Variants in CFAP53 observed in about 807,000 individuals in gnomAD.
CFAP53 encodes the protein cilia and flagella associated protein 53, also known as cilia- and flagella-associated protein 53.
CFAP53 carries 62 observed loss-of-function variants against 59.7 expected under a neutral mutation model. The ratio of observed to expected loss-of-function variants is 1.04; its 90% CI spans 0.85 to 1.28. The LOEUF is 1.28. Among genes scored for constraint, CFAP53 ranks in the 50% most tolerant of loss-of-function variants. The probability of loss-of-function intolerance (pLI) is 0.00; values close to 1 mark genes in which losing one functional copy is unlikely to be tolerated. For synonymous variants in CFAP53, 218 were observed against 205.7 expected (o/e 1.06, Z -0.51); for missense variants, 629 against 615.6 (o/e 1.02, Z -0.23).
intron 5 of CFAP53, among the ~76,000 whole-genome samples, chr18:50,248,213 C>T (rs2033764034): frequency 6.6e-6 from 1 of 151,164 alleles, no homozygotes; most frequent in African/African-American, 2.4e-5. Flanking sequence ...AAAACAGGCT[C>T]ATAAAAAGTT....
chr18:50,233,092 GCTCT>G (rs1447079048), intron 7 of CFAP53, among the ~76,000 whole-genome samples: 2 of 152,082 alleles, frequency 1.3e-5, no homozygotes, highest in Non-Finnish European at 2.9e-5. Flanking sequence ...GTCTTCTATA[GCTCT>G]CTATCTTCCT....
At chr18:50,247,324 T>C (rs747028518) in intron 5 of CFAP53, among the ~76,000 whole-genome samples, 13 of 152,206 alleles carry the variant, frequency 8.5e-5, no homozygotes, top group Non-Finnish European at 1.8e-4. Context: ...GGTGAGCATG[T>C]GGATAAATCA....
At chr18:50,237,529 T>C (rs2144406918) in intron 7 of CFAP53, among the ~76,000 whole-genome samples, 1 of 150,916 alleles carries the variant, frequency 6.6e-6, no homozygotes, top group East Asian at 2.0e-4. Flanking sequence ...TTAACCATAC[T>C]CTTTCTAGAA....
intron 6 of CFAP53, among the ~76,000 whole-genome samples, chr18:50,241,399 C>G (rs775805169): frequency 2.6e-4 from 40 of 152,070 alleles, no homozygotes; most frequent in Non-Finnish European, 1.2e-4. Context: ...GAGGGCCGCT[C>G]AAGGCATGAG....
At chr18:50,231,865 C>T (rs576261814) in intron 7 of CFAP53, among the ~76,000 whole-genome samples, 95 of 152,290 alleles carry the variant, frequency 6.2e-4, no homozygotes, top group African/African-American at 2.2e-3. Context: ...CCATTCTGTC[C>T]CAGATGTTGC....
chr18:50,265,785 T>C (rs888961090), intron 1 of CFAP53, among the ~76,000 whole-genome samples: 1 of 152,238 alleles, frequency 6.6e-6, no homozygotes, highest in East Asian at 1.9e-4. Context: ...GGCAGGCACC[T>C]GAGTTTTTCC....
At chr18:50,259,430 G>T (rs1260622645) in intron 3 of CFAP53, among the ~76,000 whole-genome samples, 3 of 150,628 alleles carry the variant, frequency 2.0e-5, no homozygotes, top group African/African-American at 7.4e-5. Flanking sequence ...AGATAGAGAA[G>T]GATGGTTACC....
rs761214003 is a variant in CFAP53, at chr18:50,243,098, GT to G, written c.1014del (p.Glu338AspfsTer27). 10 of 1,611,478 alleles carry G rather than the reference GT, an allele frequency of 6.2e-6. No homozygotes were observed. The highest frequency in any genetic ancestry group is 8.5e-6 in the Non-Finnish European group (10 of 1,178,606). On this transcript the variant is annotated frameshift_variant, in exon 6 of 8. Coordinates refer to ENST00000398545, the MANE Select transcript of CFAP53 (RefSeq NM_145020.5). LOFTEE classifies it high-confidence loss of function. ...GCCAAATATTTATGGTATATCTTCT[GT>G]TCTCTTATCATATCTTCCTATGTAA... ...KKQKREDMIR[E>X]QKIYHKYLAQ...
At position 50,251,578 on chromosome 18, in the gene CFAP53, A is replaced by G; in HGVS notation, c.680T>C (p.Met227Thr). 1 of 1,614,184 alleles carries G rather than the reference A, an allele frequency of 6.2e-7. No homozygotes were observed. The highest frequency in any genetic ancestry group is 8.5e-7 in the Non-Finnish European group (1 of 1,180,038). ...ATTCAGCCCCAGGCGTGTGTTCTCC[A>G]TCAGCTCTTTCTGTCTCCTCGCCTC... Reference protein sequence around the residue: ...AQEARRQKELMENTRLGLNAQ... With the variant: ...AQEARRQKELTENTRLGLNAQ... The change falls in exon 4 of 8, where the codon ATG (methionine) becomes ACG (threonine). Residue 227 changes from methionine (M) to threonine (T), a missense_variant. Physicochemically the swap from Met to Thr is moderately conservative, Grantham distance 81. Coordinates refer to ENST00000398545, the MANE Select transcript of CFAP53 (RefSeq NM_145020.5).
chr18:50,258,994 T>C (rs1262490361), intron 3 of CFAP53, among the ~76,000 whole-genome samples: 1 of 152,240 alleles, frequency 6.6e-6, no homozygotes, highest in Non-Finnish European at 1.5e-5. Context: ...GGAACCCTTG[T>C]ACACTGTTTG....
At chr18:50,229,142 C>T (rs757036414) in intron 7 of CFAP53, among the ~76,000 whole-genome samples, 1 of 152,098 alleles carries the variant, frequency 6.6e-6, no homozygotes, top group Non-Finnish European at 1.5e-5. Flanking sequence ...TACATCTTAA[C>T]CATTTTTAAG....
chr18:50,230,807 A>G (rs1253253791), intron 7 of CFAP53, among the ~76,000 whole-genome samples: 1 of 152,154 alleles, frequency 6.6e-6, no homozygotes, highest in Non-Finnish European at 1.5e-5. Flanking sequence ...GGGGTCAGAA[A>G]ACACTCCATC....
chr18:50,229,740 C>T (rs200118853), intron 7 of CFAP53, among the ~76,000 whole-genome samples: 19 of 135,964 alleles, frequency 1.4e-4, no homozygotes, highest in South Asian at 2.3e-4. Flanking sequence ...TTTTCTTTTT[C>T]TTTTTTTTTT....
Position 50,261,252 on chromosome 18 carries a change from C to CAAAAA in CFAP53, c.300-20_300-16dup, listed in dbSNP as rs71169499. 11 of 1,215,702 alleles carry CAAAAA rather than the reference C, an allele frequency of 9.0e-6. No individual in the cohort carries two copies. Among genetic ancestry groups the CAAAAA allele is most frequent in the South Asian group, 8.7e-5 (4 of 46,184 alleles). 75.3% of individuals were successfully genotyped at this position (1,215,702 alleles called of 1,614,324 possible). ...GCTCACGTAGCCTGAAACAAAAAGCCAAAAAAAAAAAAAAAAAAAGAAAAC... is the reference window on the plus strand; with the variant it reads ...GCTCACGTAGCCTGAAACAAAAAGCCAAAAAAAAAAAAAAAAAAAAAAAAGAAAAC... On this transcript the variant is annotated splice_polypyrimidine_tract_variant and intron_variant, in intron 2 of 7. Coordinates refer to ENST00000398545, the MANE Select transcript of CFAP53 (RefSeq NM_145020.5).
chr18:50,237,356 A>G (rs2033646766), intron 7 of CFAP53, among the ~76,000 whole-genome samples: 1 of 95,878 alleles, frequency 1.0e-5, no homozygotes, highest in Non-Finnish European at 2.2e-5. Flanking sequence ...ATATATACGC[A>G]CACATATATA....
At chr18:50,257,513 T>C (rs1377805395) in intron 3 of CFAP53, among the ~76,000 whole-genome samples, 1 of 152,098 alleles carries the variant, frequency 6.6e-6, no homozygotes, top group Non-Finnish European at 1.5e-5. Context: ...AGTTATCCCA[T>C]TTACAATAGC....
At chr18:50,249,860 G>C (rs1341219851) in intron 5 of CFAP53, among the ~76,000 whole-genome samples, 1 of 152,186 alleles carries the variant, frequency 6.6e-6, no homozygotes. Context: ...GAGGGAACCA[G>C]AGTAAAGGGT....
At chr18:50,252,588 T>C (rs969440036) in intron 3 of CFAP53, among the ~76,000 whole-genome samples, 2 of 152,122 alleles carry the variant, frequency 1.3e-5, no homozygotes, top group Non-Finnish European at 2.9e-5. Flanking sequence ...ATTTTTATTT[T>C]TGTAGAGACA....
chr18:50,240,879 G>C (rs2033684177), intron 6 of CFAP53, among the ~76,000 whole-genome samples: 1 of 152,158 alleles, frequency 6.6e-6, no homozygotes, highest in Non-Finnish European at 1.5e-5. Context: ...TTGCCGCTCT[G>C]GTCCATTGGG....
Sources: allele counts gnomAD v4.1 joint callset (sites outside exome capture counted in the v4.1 genomes callset), GRCh38; gene constraint gnomAD v4.1.1; transcripts MANE v1.5; gene names NCBI Gene and HGNC (gene_info 2026-07-23, HGNC 2026-07-21).